The following ENOX1 variants were observed in gnomAD, a reference collection of about 807,000 sequenced individuals.
ENOX1 encodes the protein ecto-NOX disulfide-thiol exchanger 1, also known as candidate growth-related and time keeping constitutive hydroquinone (NADH) oxidase.
Under a neutral mutation model 82.5 loss-of-function variants are expected in ENOX1, and 42 were observed. That is an observed-to-expected ratio of 0.51 (90% CI 0.40 to 0.66). The LOEUF (loss-of-function observed/expected upper bound fraction) is 0.66. Ranked by LOEUF, ENOX1 falls within the 30% of genes least tolerant of loss-of-function variation. ENOX1 has a pLI of 0.00. For synonymous variants in ENOX1, 271 were observed against 282.2 expected (o/e 0.96, Z 0.40); for missense variants, 608 against 811.6 (o/e 0.75, Z 3.05).
At chr13:43,520,003 C>T (rs2077701650) in intron 2 of ENOX1, among the ~76,000 whole-genome samples, 1 of 152,184 alleles carries the variant, frequency 6.6e-6, no homozygotes, top group Non-Finnish European at 1.5e-5. Context: ...ACTAACGTAA[C>T]TGACTCCTCA....
intron 3 of ENOX1, among the ~76,000 whole-genome samples, chr13:43,473,901 G>A (rs1029832445): frequency 1.3e-5 from 2 of 152,008 alleles, no homozygotes; most frequent in Admixed American, 6.6e-5. Flanking sequence ...AACTGTTAAC[G>A]GGAAATAAAA....
chr13:43,470,285 T>TATATATACACATATATATAC lies in ENOX1; in HGVS notation c.-75+13723_-75+13724insGTATATATATGTGTATATAT, dbSNP rs1566305516. Among the ~76,000 whole-genome samples the TATATATACACATATATATAC allele has an allele frequency of 6.9e-4, 24 of 34,994 alleles. 3 individuals carry two copies. Among genetic ancestry groups the TATATATACACATATATATAC allele is most frequent in the South Asian group, 2.5e-3 (4 of 1,600 alleles). 23.0% of individuals were successfully genotyped at this position (34,994 alleles called of 152,430 possible). On this transcript the variant is annotated intron_variant, in intron 3 of 16. Transcript: ENST00000690772. Reference sequence around the variant, plus strand: ...ACATATATATACACATATATATACATATATATATACACATATATATACATA... The same window carrying TATATATACACATATATATAC: ...ACATATATATACACATATATATACATATATATACACATATATATACATATATATACACATATATATACATA...
intron 2 of ENOX1, among the ~76,000 whole-genome samples, chr13:43,542,148 C>A (rs2078760224): frequency 6.6e-6 from 1 of 151,836 alleles, no homozygotes; most frequent in Non-Finnish European, 1.5e-5. Context: ...TCTTTTTTTT[C>A]TTTTTTTCCG....
chr13:43,508,671 T>A (rs1004261063), intron 2 of ENOX1, among the ~76,000 whole-genome samples: 4 of 152,050 alleles, frequency 2.6e-5, no homozygotes, highest in Admixed American at 6.6e-5. Context: ...GATCATTATG[T>A]ATCACAGTGA....
intron 8 of ENOX1, among the ~76,000 whole-genome samples, chr13:43,347,115 C>G (rs900198088): frequency 6.6e-6 from 1 of 152,126 alleles, no homozygotes; most frequent in East Asian, 1.9e-4. Flanking sequence ...ACTTTACTAT[C>G]AGGAAAAAAA....
intron 2 of ENOX1, among the ~76,000 whole-genome samples, chr13:43,587,452 T>C (rs1428017785): frequency 1.3e-5 from 2 of 152,228 alleles, no homozygotes; most frequent in Non-Finnish European, 2.9e-5. Context: ...ACATACATTC[T>C]GGTTAATGCA....
In ENOX1 at chr13:43,730,792, G is replaced by A. The variant is rs149740338; in HGVS notation, c.-285+55860C>T. Among the ~76,000 whole-genome samples, 600 of 152,288 alleles carry A rather than the reference G, an allele frequency of 3.9e-3. 17 individuals carry two copies. The highest frequency in any genetic ancestry group is 4.6e-3 in the Non-Finnish European group (313 of 68,014). On this transcript the variant is annotated intron_variant, in intron 1 of 16. Coordinates refer to ENST00000690772, the MANE Select transcript of ENOX1 (RefSeq NM_001347969.2). ...TGCAGCTCCCTGCAATGTCTGTGCA[G>A]CTTCTGACCTGTGTGTTTTTGCTCC...
intron 1 of ENOX1, among the ~76,000 whole-genome samples, chr13:43,696,262 A>T (rs997842717): frequency 2.0e-5 from 3 of 152,204 alleles, no homozygotes; most frequent in Non-Finnish European, 4.4e-5. Context: ...ATGAACATTC[A>T]TGTACAGGTA....
chr13:43,448,190 T>C (rs1368142474), intron 3 of ENOX1, among the ~76,000 whole-genome samples: 5 of 152,244 alleles, frequency 3.3e-5, no homozygotes, highest in African/African-American at 1.2e-4. Flanking sequence ...ACATGTTCTC[T>C]TATTAGTTGG....
At chr13:43,301,239 C>T (rs1016593529) in intron 11 of ENOX1, among the ~76,000 whole-genome samples, 1 of 152,028 alleles carries the variant, frequency 6.6e-6, no homozygotes, top group Non-Finnish European at 1.5e-5. Context: ...GTGAAGAAAT[C>T]GATTAGTACG....
At chr13:43,612,370 A>T (rs2082234519) in intron 2 of ENOX1, among the ~76,000 whole-genome samples, 1 of 152,190 alleles carries the variant, frequency 6.6e-6, no homozygotes, top group Admixed American at 6.5e-5. Context: ...CTAGTTTGAG[A>T]GTATCATATT....
intron 8 of ENOX1, among the ~76,000 whole-genome samples, chr13:43,350,751 T>A (rs918363095): frequency 2.0e-5 from 3 of 152,168 alleles, no homozygotes; most frequent in African/African-American, 7.2e-5. Flanking sequence ...GGCTGGTGTT[T>A]TTTTCCTCCC....
At chr13:43,341,752 C>T (rs1308419359) in intron 9 of ENOX1, among the ~76,000 whole-genome samples, 1 of 152,142 alleles carries the variant, frequency 6.6e-6, no homozygotes, top group African/African-American at 2.4e-5. Context: ...TTCCTAGTAG[C>T]CATTCTCCAC....
In ENOX1 at chr13:43,344,603, T is replaced by C. The variant is rs375255742; in HGVS notation, c.971A>G (p.His324Arg). 4.4e-5 allele frequency: 71 copies of C among 1,614,058 alleles called. No individual in the cohort carries two copies. The highest frequency in any genetic ancestry group is 5.6e-5 in the Non-Finnish European group (66 of 1,180,032). Residue 324 changes from histidine to arginine, a missense_variant, in exon 9 of 17, where the codon CAT (histidine) becomes CGT (arginine). By Grantham distance (29) the His-to-Arg change is conservative (BLOSUM62 0). Transcript: ENST00000690772. ...CTTGGCTTCCTCCATCTCTTGCTCA[T>C]GGGTGGCTTTTTCATTCATTAGCCG... ...VRRLMNEKAT[H>R]EQEMEEAKEN...
chr13:43,448,728 A>C (rs1158700114), intron 3 of ENOX1, among the ~76,000 whole-genome samples: 5 of 152,156 alleles, frequency 3.3e-5, no homozygotes, highest in African/African-American at 9.7e-5. Flanking sequence ...AAAGAAGCTG[A>C]GTCAAGCCCT....
At chr13:43,219,061 T>A (rs376982339) in intron 16 of ENOX1, among the ~76,000 whole-genome samples, 2 of 152,322 alleles carry the variant, frequency 1.3e-5, no homozygotes, top group East Asian at 3.9e-4. Flanking sequence ...GAGTGAAGTT[T>A]ACCCCTTTCC....
chr13:43,492,323 G>A (rs1340165440), intron 2 of ENOX1, among the ~76,000 whole-genome samples: 1 of 152,180 alleles, frequency 6.6e-6, no homozygotes, highest in Non-Finnish European at 1.5e-5. Flanking sequence ...TTTGACTGAA[G>A]CCTTGTGAGA....
intron 3 of ENOX1, among the ~76,000 whole-genome samples, chr13:43,444,972 C>G (rs2056547544): frequency 6.6e-6 from 1 of 152,154 alleles, no homozygotes; most frequent in South Asian, 2.1e-4. Context: ...TGCCACTGAC[C>G]CACTATGTGA....
intron 2 of ENOX1, among the ~76,000 whole-genome samples, chr13:43,649,821 T>G (rs2084072057): frequency 6.6e-6 from 1 of 152,316 alleles, no homozygotes; most frequent in African/African-American, 2.4e-5. Context: ...ATATGTTGTA[T>G]TTAAGGCAAC....
Sources: allele counts gnomAD v4.1 joint callset (sites outside exome capture counted in the v4.1 genomes callset), GRCh38; gene constraint gnomAD v4.1.1; transcripts MANE v1.5; gene names NCBI Gene and HGNC (gene_info 2026-07-23, HGNC 2026-07-21).